Variants in ITPR1 observed in about 807,000 individuals in gnomAD.
ITPR1 encodes inositol 1,4,5-trisphosphate-gated calcium channel ITPR1.
In ITPR1, 96 loss-of-function variants were observed where a neutral mutation model predicts 318.4. The ratio of observed to expected loss-of-function variants is 0.30; its 90% CI spans 0.26 to 0.36. The LOEUF (loss-of-function observed/expected upper bound fraction) is 0.36. Among genes scored for constraint, ITPR1 ranks in the 10% least tolerant of loss-of-function variants. The pLI is 1.00. For missense variants in ITPR1, 2,440 were observed against 3,460.2 expected, an observed-to-expected ratio of 0.71 and a Z score of 7.40; for synonymous variants, 1,312 against 1,289.9, an observed-to-expected ratio of 1.02 and a Z score of -0.37.
intron 5 of ITPR1, among the ~76,000 whole-genome samples, chr3:4,629,795 C>A (rs2092957076): frequency 6.6e-6 from 1 of 152,140 alleles, no homozygotes; most frequent in African/African-American, 2.4e-5. Flanking sequence ...GGGTGTGATA[C>A]AGTGGTCAGG....
intron 26 of ITPR1, among the ~76,000 whole-genome samples, chr3:4,681,624 A>AGTATGTGTGTGTGTCT (rs373511110): frequency 6.9e-6 from 1 of 145,788 alleles, no homozygotes; most frequent in Non-Finnish European, 1.5e-5. Context: ...AGAGAGAGAA[A>AGTATGTGTGTGTGTCT]GTGTGTGTGT....
chr3:4,639,078 C>T (rs77053778), intron 5 of ITPR1, among the ~76,000 whole-genome samples: 4,219 of 152,218 alleles, frequency 0.028, 153 homozygotes, highest in African/African-American at 0.073. Context: ...CCTCCCTCCC[C>T]GACCCTATTT....
intron 24 of ITPR1, among the ~76,000 whole-genome samples, chr3:4,679,880 C>T (rs3804986): frequency 0.54 from 82,257 of 151,906 alleles, 24,069 homozygotes; most frequent in Non-Finnish European, 0.67. Context: ...GTGATGGCCA[C>T]TGGACTGGGA....
At chr3:4,834,539 G>A (rs1404802951) in intron 60 of ITPR1, among the ~76,000 whole-genome samples, 5 of 152,116 alleles carry the variant, frequency 3.3e-5, no homozygotes, top group African/African-American at 4.8e-5. Context: ...TCCTCCCCTC[G>A]CCCTAGTGGG....
intron 14 of ITPR1, among the ~76,000 whole-genome samples, 198 bp downstream of exon 14, chr3:4,661,285 TACA>T (rs1254036097): frequency 6.6e-6 from 1 of 152,200 alleles, no homozygotes. Flanking sequence ...TTGAAATAAC[TACA>T]ACTTTTTAAT....
At chr3:4,783,453 A>G (rs1186406227) in intron 50 of ITPR1, among the ~76,000 whole-genome samples, 22 of 152,068 alleles carry the variant, frequency 1.4e-4, no homozygotes, top group Admixed American at 6.5e-4. Context: ...AAGAATTTCA[A>G]ACAGTCTCCT....
chr3:4,728,888 G>A (rs1393253070), intron 42 of ITPR1, among the ~76,000 whole-genome samples: 2 of 152,210 alleles, frequency 1.3e-5, no homozygotes, highest in Non-Finnish European at 2.9e-5. Flanking sequence ...TGATTTCTCA[G>A]ACTAGGACCA....
At chr3:4,615,516 A>G (rs2125107214) in intron 4 of ITPR1, among the ~76,000 whole-genome samples, 1 of 151,302 alleles carries the variant, frequency 6.6e-6, no homozygotes, top group Middle Eastern at 3.4e-3. Flanking sequence ...AACTGGGATT[A>G]TAGACATGTG....
intron 4 of ITPR1, among the ~76,000 whole-genome samples, chr3:4,590,385 A>G (rs1429582105): frequency 6.6e-6 from 1 of 151,586 alleles, no homozygotes; most frequent in African/African-American, 2.4e-5. Flanking sequence ...TTTATGATGA[A>G]TGAGAGTAGT....
chr3:4,829,547 C>A (rs2050303880), intron 60 of ITPR1, among the ~76,000 whole-genome samples: 1 of 152,006 alleles, frequency 6.6e-6, no homozygotes, highest in African/African-American at 2.4e-5. Flanking sequence ...TTTTTTAGAG[C>A]AGTTTGAAGT....
rs1559864654 is a variant in ITPR1 at position 4,768,911 on chromosome 3, C to CA, written c.5979+147_5979+148insA. ...TTCTTTTTTTTCCTTTTTCTTTTTT[C>CA]TTTTTTCTTTTTTTTTGAGATGGAG... On this transcript the variant is annotated intron_variant, in intron 46 of 61. Coordinates refer to ENST00000649015, the MANE Select transcript of ITPR1 (RefSeq NM_001378452.1). 5.9e-6 allele frequency: 4 copies of CA among 680,624 alleles called. No individual in the cohort carries two copies. The Admixed American group carries it at 1.0e-4, about 17-fold the overall frequency. 42.2% of individuals were successfully genotyped at this position (680,624 alleles called of 1,614,324 possible).
chr3:4,762,393 G>A (rs1160682881), intron 44 of ITPR1, among the ~76,000 whole-genome samples: 1 of 152,182 alleles, frequency 6.6e-6, no homozygotes, highest in Non-Finnish European at 1.5e-5. Context: ...CAGATGAGAA[G>A]ATTCGAGTTT....
At chr3:4,747,668 G>A (rs1376313303) in intron 44 of ITPR1, among the ~76,000 whole-genome samples, 1 of 152,018 alleles carries the variant, frequency 6.6e-6, no homozygotes, top group African/African-American at 2.4e-5. Flanking sequence ...TTTCAGACTG[G>A]GCATCTCATT....
At chr3:4,681,251 G>A in intron 25 of ITPR1, 113 bp from the exon 26 acceptor site, 1 of 720,008 alleles carries the variant, frequency 1.4e-6, no homozygotes, top group Non-Finnish European at 2.5e-6. Flanking sequence ...ATAATGTTCT[G>A]GGAGATTTGG....
chr3:4,605,828 T>C (rs114311460), intron 4 of ITPR1, among the ~76,000 whole-genome samples: 2,776 of 152,264 alleles, frequency 0.018, 76 homozygotes, highest in African/African-American at 0.059. Flanking sequence ...TGGCCTTTCC[T>C]GGTCTTCTGG....
intron 44 of ITPR1, among the ~76,000 whole-genome samples, chr3:4,765,353 G>T (rs1243903946): frequency 6.6e-6 from 1 of 152,198 alleles, no homozygotes. Context: ...TGCATTGTGG[G>T]CAGACAGGAC....
rs138968269 is a variant in ITPR1, at chr3:4,665,693, TTC to T, written c.1713+399_1713+400del. On this transcript the variant is annotated intron_variant, in intron 17 of 61. Coordinates refer to ENST00000649015, the MANE Select transcript of ITPR1 (RefSeq NM_001378452.1). ...TCTAGAAACATGATCTTTATTTTGT[TTC>T]TGATTCATGTTTTATGACATTCTAA... Among the ~76,000 whole-genome samples the T allele has an allele frequency of 7.5e-3, 1,147 of 152,316 alleles. 19 individuals carry two copies. The highest frequency in any genetic ancestry group is 0.025 in the African/African-American group (1,052 of 41,560).
At chr3:4,499,338 A>G (rs1472183477) in intron 2 of ITPR1, among the ~76,000 whole-genome samples, 2 of 152,172 alleles carry the variant, frequency 1.3e-5, no homozygotes, top group African/African-American at 2.4e-5. Flanking sequence ...AGGGACTAAC[A>G]CAGTATCTCT....
Position 4,669,776 on chromosome 3 carries a change from G to C in ITPR1, c.2006+3G>C. ...GCTGACATCCTGATTGAGACCAAGT[G>C]AGTGGGGAGCCAGGGTTTAGATGGA... On this transcript the variant is annotated splice_donor_region_variant and intron_variant, in intron 19 of 61. Coordinates refer to ENST00000649015, the MANE Select transcript of ITPR1 (RefSeq NM_001378452.1). 2 of 1,607,362 alleles carry C rather than the reference G, an allele frequency of 1.2e-6. No individual in the cohort carries two copies. The highest frequency in any genetic ancestry group is 1.7e-6 in the Non-Finnish European group (2 of 1,176,026).
Sources: allele counts gnomAD v4.1 joint callset (sites outside exome capture counted in the v4.1 genomes callset), GRCh38; gene constraint gnomAD v4.1.1; transcripts MANE v1.5; gene names NCBI Gene and HGNC (gene_info 2026-07-23, HGNC 2026-07-21).